Variants in GJA1 observed in about 807,000 individuals in gnomAD.
GJA1 encodes gap junction alpha-1 protein.
Under a neutral mutation model 31.0 loss-of-function variants are expected in GJA1, and 9 were observed. The observed-to-expected ratio is 0.29, with a 90% CI of 0.17 to 0.51. The LOEUF (loss-of-function observed/expected upper bound fraction) is 0.51. GJA1 is among the 20% of genes least tolerant of loss of function. The pLI is 0.98. For synonymous variants in GJA1, 186 were observed against 180.1 expected, an observed-to-expected ratio of 1.03 and a Z score of -0.26; for missense variants, 278 against 468.8, an observed-to-expected ratio of 0.59 and a Z score of 3.76.
intron 1 of GJA1, among the ~76,000 whole-genome samples, chr6:121,441,633 G>T (rs1322868457): frequency 6.6e-6 from 1 of 152,132 alleles, no homozygotes; most frequent in African/African-American, 2.4e-5. Context: ...TGGTGGTCAG[G>T]AAAGTTGGCT....
At chr6:121,446,117 GA>G (rs2114281825) in intron 1 of GJA1, among the ~76,000 whole-genome samples, 1 of 152,096 alleles carries the variant, frequency 6.6e-6, no homozygotes, top group South Asian at 2.1e-4. Context: ...GCAACATGGA[GA>G]AACCTCATCT....
Position 121,446,010 on chromosome 6 carries a change from C to CAG in GJA1, c.-16-819_-16-818dup, listed in dbSNP as rs1214755217. 1.4e-4 allele frequency among the ~76,000 whole-genome samples: 22 copies of CAG among 152,168 alleles called. No homozygotes were observed. In the East Asian group the frequency reaches 2.7e-3, roughly 19 times the overall value. On this transcript the variant is annotated intron_variant, in intron 1 of 1. Transcript: ENST00000282561. ...CTTGATATACCATTGAAAAATCTTC[C>CAG]AGAGGCCAGGCGTGGTGGCTCACAC...
chr6:121,449,482 CAAATGCCTTT>C lies in GJA1; in HGVS notation c.*1487_*1496del, dbSNP rs1045586301. 1.2e-5 allele frequency: 2 copies of C among 167,014 alleles called. No homozygotes were observed. Among genetic ancestry groups the C allele is most frequent in the African/African-American group, 4.8e-5 (2 of 41,428 alleles). 10.3% of individuals were successfully genotyped at this position (167,014 alleles called of 1,614,324 possible). On this transcript the variant is annotated 3_prime_UTR_variant, in exon 2 of 2. Coordinates refer to ENST00000282561, the MANE Select transcript of GJA1 (RefSeq NM_000165.5). ...TGTTGAAGACATCTACCAGTTTCTCCAAATGCCTTTTTTAAAACTCATCACAGAAGATTGG... is the reference window on the plus strand; with the variant it reads ...TGTTGAAGACATCTACCAGTTTCTCCTTTAAAACTCATCACAGAAGATTGG...
chr6:121,447,722 A>G lies in GJA1; in HGVS notation c.875A>G (p.Asp292Gly), dbSNP rs1234957832. The G allele has an allele frequency of 6.2e-7, 1 of 1,614,078 alleles. No individual in the cohort carries two copies. The highest frequency in any genetic ancestry group is 8.5e-7 in the Non-Finnish European group (1 of 1,180,022). Residue 292 changes from aspartate to glycine, a missense_variant, in exon 2 of 2, where the codon GAC becomes GGC. Asp to Gly is a moderately conservative substitution (Grantham distance 94, BLOSUM62 -1). Coordinates refer to ENST00000282561, the MANE Select transcript of GJA1 (RefSeq NM_000165.5). ...SPPGYKLVTG[D>G]RNNSSCRNYN... is the part of the protein sequence containing the mutation. ...CCTGGGTACAAGCTGGTTACTGGCG[A>G]CAGAAACAATTCTTCTTGCCGCAAT...
intron 1 of GJA1, among the ~76,000 whole-genome samples, chr6:121,436,210 G>A (rs966659176): frequency 1.4e-5 from 2 of 142,574 alleles, no homozygotes; most frequent in South Asian, 2.4e-4. Context: ...AGGCGCCTGG[G>A]TTGGGGGATT....
In GJA1 at chr6:121,447,712, G is replaced by A; in HGVS notation, c.865G>A (p.Val289Ile). Residue 289 changes from valine (V) to isoleucine (I), a missense_variant, in exon 2 of 2, where the codon GTT (valine) becomes ATT (isoleucine). Around this residue, in one of 3 missense-constraint regions of GJA1, gnomAD observed 172 missense variants for 190.9 expected, o/e 0.90. Coordinates refer to ENST00000282561, the MANE Select transcript of GJA1 (RefSeq NM_000165.5). ...TATGTCTCCTCCTGGGTACAAGCTG[G>A]TTACTGGCGACAGAAACAATTCTTC... ...SPMSPPGYKL[V>I]TGDRNNSSCR... is the part of the protein sequence containing the mutation. The A allele has an allele frequency of 1.2e-6, 2 of 1,614,054 alleles. No individual in the cohort carries two copies. The highest frequency in any genetic ancestry group is 1.7e-6 in the Non-Finnish European group (2 of 1,180,030).
chr6:121,436,350 C>A (rs1773663758), intron 1 of GJA1, among the ~76,000 whole-genome samples: 7 of 152,100 alleles, frequency 4.6e-5, no homozygotes. Context: ...CTTTGCAAAG[C>A]CAACTTCTTT....
At chr6:121,443,798 C>CT (rs1478484201) in intron 1 of GJA1, among the ~76,000 whole-genome samples, 2 of 152,172 alleles carry the variant, frequency 1.3e-5, no homozygotes, top group South Asian at 2.1e-4. Context: ...GTCTTCAGCT[C>CT]TATCGTTGCA....
At chr6:121,439,420 A>G (rs573619541) in intron 1 of GJA1, among the ~76,000 whole-genome samples, 50 of 152,350 alleles carry the variant, frequency 3.3e-4, no homozygotes, top group Admixed American at 2.5e-3. Context: ...AAAATAGTCA[A>G]TTTGGAGGTG....
In GJA1 at chr6:121,447,375, C is replaced by A. The variant is rs749848582; in HGVS notation, c.528C>A (p.Ile176=). 9.3e-6 allele frequency: 15 copies of A among 1,613,958 alleles called. No individual in the cohort carries two copies. The highest frequency in any genetic ancestry group is 1.3e-5 in the Non-Finnish European group (15 of 1,179,980). Residue 176 remains isoleucine, a synonymous_variant, in exon 2 of 2, where the codon ATC becomes ATA. Transcript: ENST00000282561. ...EVAFLLIQWY[I]YGFSLSAVYT... ...CCTTCTTGCTGATCCAGTGGTACAT[C>A]TATGGATTCAGCTTGAGTGCTGTTT...
intron 1 of GJA1, among the ~76,000 whole-genome samples, chr6:121,446,323 A>G (rs1021853464): frequency 2.0e-5 from 3 of 152,186 alleles, no homozygotes; most frequent in Non-Finnish European, 4.4e-5. Flanking sequence ...GAGTGAAATT[A>G]GTAATAAAAT....
chr6:121,439,564 TGA>T (rs1773729252), intron 1 of GJA1, among the ~76,000 whole-genome samples: 1 of 152,174 alleles, frequency 6.6e-6, no homozygotes, highest in South Asian at 2.1e-4. Context: ...AAATTGATCT[TGA>T]GAAACTTGTT....
intron 1 of GJA1, among the ~76,000 whole-genome samples, chr6:121,440,383 C>T (rs759175941): frequency 3.9e-5 from 6 of 151,942 alleles, no homozygotes; most frequent in Non-Finnish European, 5.9e-5. Flanking sequence ...TCTTTTAAGC[C>T]TGTCAAATTT....
At chr6:121,443,324 C>T (rs1773829117) in intron 1 of GJA1, among the ~76,000 whole-genome samples, 1 of 152,110 alleles carries the variant, frequency 6.6e-6, no homozygotes, top group African/African-American at 2.4e-5. Context: ...TTGATGGTAT[C>T]TATGATAGTG....
intron 1 of GJA1, among the ~76,000 whole-genome samples, chr6:121,440,940 TTG>T (rs1468991892): frequency 5.8e-4 from 80 of 138,678 alleles, no homozygotes; most frequent in African/African-American, 1.9e-3. Flanking sequence ...GTTGTTGTTG[TTG>T]TTTGTCGTTT....
chr6:121,438,354 C>A (rs960092839), intron 1 of GJA1, among the ~76,000 whole-genome samples: 1 of 152,198 alleles, frequency 6.6e-6, no homozygotes, highest in Admixed American at 6.5e-5. Context: ...AATGCTGTCA[C>A]CCTCCTTGGG....
chr6:121,441,203 C>G (rs1370640154), intron 1 of GJA1, among the ~76,000 whole-genome samples: 6 of 152,126 alleles, frequency 3.9e-5, no homozygotes, highest in Non-Finnish European at 7.4e-5. Context: ...CCGCCCGCCT[C>G]GGCCTCCCAA....
intron 1 of GJA1, among the ~76,000 whole-genome samples, chr6:121,441,142 C>T (rs1484289723): frequency 2.0e-5 from 3 of 152,040 alleles, no homozygotes; most frequent in East Asian, 3.9e-4. Context: ...TTAGTAGAGA[C>T]GGGGTTTCAC....
In GJA1 at chr6:121,449,012, T is replaced by A. The variant is rs1582559634; in HGVS notation, c.*1016T>A. 1.2e-5 allele frequency: 2 copies of A among 160,786 alleles called. No individual in the cohort carries two copies. The highest frequency in any genetic ancestry group is 3.8e-4 in the East Asian group (2 of 5,196). 10.0% of individuals were successfully genotyped at this position (160,786 alleles called of 1,614,324 possible). A position where few individuals can be genotyped will look rare whatever the true frequency, so the allele number is the denominator to read the frequency against. On this transcript the variant is annotated 3_prime_UTR_variant, in exon 2 of 2. Transcript: ENST00000282561. ...TGCTGTGGCAAGTAAAGCACACTTT[T>A]TTTTTCTCCTAAAATGTTTTTCCCT...
Sources: gnomAD v4.1 joint callset for allele counts (sites outside exome capture counted in the v4.1 genomes callset) on GRCh38, gnomAD v4.1.1 for gene constraint, gnomAD v4.1.1 regional missense constraint, MANE v1.5 for transcripts, NCBI Gene and HGNC (gene_info 2026-07-23, HGNC 2026-07-21) for gene names.